The following TRAPPC10 variants were observed in gnomAD, a reference collection of about 807,000 sequenced individuals.
TRAPPC10 encodes TRAPP 130 kDa subunit.
A neutral mutation model predicts 125.5 loss-of-function variants in TRAPPC10; 23 were observed. The ratio of observed to expected loss-of-function variants is 0.18; its 90% CI spans 0.13 to 0.26. TRAPPC10 has a LOEUF of 0.26. Among genes scored for constraint, TRAPPC10 ranks in the 10% least tolerant of loss-of-function variants. The pLI is 1.00. For missense variants in TRAPPC10, 1,123 were observed against 1,308.4 expected, an observed-to-expected ratio of 0.86 and a Z score of 2.19; for synonymous variants, 509 against 518.0, an observed-to-expected ratio of 0.98 and a Z score of 0.24.
chr21:44,044,811 C>T (rs959757536), intron 3 of TRAPPC10, among the ~76,000 whole-genome samples: 3 of 151,578 alleles, frequency 2.0e-5, no homozygotes, highest in African/African-American at 7.3e-5. Flanking sequence ...TTACAGGCGT[C>T]TGCCACCACG....
intron 3 of TRAPPC10, among the ~76,000 whole-genome samples, chr21:44,040,683 G>A (rs112373044): frequency 2.0e-5 from 3 of 151,934 alleles, no homozygotes; most frequent in African/African-American, 7.2e-5. Flanking sequence ...GTGCAGTGGT[G>A]CGATCTTGGT....
At chr21:44,067,340 G>A (rs1002465224) in intron 7 of TRAPPC10, among the ~76,000 whole-genome samples, 1 of 152,206 alleles carries the variant, frequency 6.6e-6, no homozygotes, top group African/African-American at 2.4e-5. Context: ...GAGATGTAGT[G>A]TGGGAATGTA....
chr21:44,079,732 G>T (rs1255022627), intron 12 of TRAPPC10, 28 bp downstream of exon 12: 1 of 1,592,720 alleles, frequency 6.3e-7, no homozygotes, highest in Non-Finnish European at 8.5e-7. Context: ...CATGAAGCAG[G>T]AAAATTATTT....
chr21:44,062,677 C>T (rs2145916542), intron 6 of TRAPPC10: 1 of 985,442 alleles, frequency 1.0e-6, no homozygotes, highest in Non-Finnish European at 1.2e-6. Context: ...CCACTCCACA[C>T]TGCTGGGTGC....
intron 2 of TRAPPC10, among the ~76,000 whole-genome samples, chr21:44,037,420 T>C (rs2034072274): frequency 6.6e-6 from 1 of 152,232 alleles, no homozygotes; most frequent in African/African-American, 2.4e-5. Flanking sequence ...TAATTAAAAC[T>C]GCACTTTGGA....
chr21:44,052,544 G>A, intron 4 of TRAPPC10, 68 bp downstream of exon 4: 2 of 1,428,444 alleles, frequency 1.4e-6, no homozygotes, highest in South Asian at 1.4e-5. Context: ...TGGCTTCCTG[G>A]GTAGTAATAA....
chr21:44,017,169 AG>A (rs2031962406), intron 1 of TRAPPC10, among the ~76,000 whole-genome samples: 1 of 152,236 alleles, frequency 6.6e-6, no homozygotes, highest in African/African-American at 2.4e-5. Flanking sequence ...CATTCTTCTT[AG>A]GAAATCGCAG....
At chr21:44,042,789 G>A (rs2034508835) in intron 3 of TRAPPC10, among the ~76,000 whole-genome samples, 1 of 152,140 alleles carries the variant, frequency 6.6e-6, no homozygotes, top group African/African-American at 2.4e-5. Flanking sequence ...TGTATAGGTG[G>A]TTGATGTATT....
intron 1 of TRAPPC10, among the ~76,000 whole-genome samples, chr21:44,018,701 A>G (rs2032154385): frequency 6.6e-6 from 1 of 152,066 alleles, no homozygotes; most frequent in African/African-American, 2.4e-5. Context: ...CAAAAAAAAA[A>G]AAAAAAAAGT....
intron 6 of TRAPPC10, among the ~76,000 whole-genome samples, chr21:44,060,800 C>A (rs924163981): frequency 1.3e-3 from 199 of 151,632 alleles, no homozygotes; most frequent in African/African-American, 4.6e-3. Flanking sequence ...GGGGTTTCAC[C>A]ATGTTGGCCA....
chr21:44,048,516 CAG>C (rs1206026567), intron 3 of TRAPPC10, among the ~76,000 whole-genome samples: 6 of 152,116 alleles, frequency 3.9e-5, no homozygotes, highest in South Asian at 4.2e-4. Context: ...GTTTTTGAGA[CAG>C]AGTCTTGCTC....
intron 3 of TRAPPC10, among the ~76,000 whole-genome samples, chr21:44,039,959 A>C (rs1223475738): frequency 6.6e-6 from 1 of 152,096 alleles, no homozygotes; most frequent in Non-Finnish European, 1.5e-5. Context: ...TGCTCTCACC[A>C]ACATCAACAC....
chr21:44,015,442 G>A (rs1333800805), intron 1 of TRAPPC10, among the ~76,000 whole-genome samples: 1 of 151,888 alleles, frequency 6.6e-6, no homozygotes, highest in Non-Finnish European at 1.5e-5. Flanking sequence ...TTTAGAGATG[G>A]GGTCTCGCTC....
chr21:44,051,345 A>G (rs2035221503), intron 3 of TRAPPC10, among the ~76,000 whole-genome samples: 1 of 152,322 alleles, frequency 6.6e-6, no homozygotes, highest in South Asian at 2.1e-4. Flanking sequence ...ACTGATTTAG[A>G]TGGTAGCTGT....
intron 7 of TRAPPC10, among the ~76,000 whole-genome samples, chr21:44,066,631 C>T (rs1220276836): frequency 6.6e-6 from 1 of 152,152 alleles, no homozygotes; most frequent in Non-Finnish European, 1.5e-5. Context: ...GTTGCTTTTG[C>T]TAGCAGGAAG....
At chr21:44,089,618 C>T (rs768260719) in intron 17 of TRAPPC10, 11 of 579,454 alleles carry the variant, frequency 1.9e-5, no homozygotes, top group South Asian at 9.2e-5. Flanking sequence ...GCCAGTTCTG[C>T]GTTCGTTTCT....
chr21:44,058,418 C>T (rs2145880078), intron 5 of TRAPPC10, among the ~76,000 whole-genome samples: 1 of 152,056 alleles, frequency 6.6e-6, no homozygotes, highest in African/African-American at 2.4e-5. Context: ...GGGTGGGGGA[C>T]ATAGATTTTG....
chr21:44,021,709 G>A lies in TRAPPC10; in HGVS notation c.67+9149G>A, dbSNP rs140543997. 4.8e-3 allele frequency among the ~76,000 whole-genome samples: 729 copies of A among 152,282 alleles called. 6 individuals carry two copies. Among genetic ancestry groups the A allele is most frequent in the African/African-American group, 0.016 (673 of 41,548 alleles). ...CCCAGTGTGCTAAGAATAGGAGATG[G>A]GCCTTTGAGAAGTACCAGGGCTAGA... On this transcript the variant is annotated intron_variant, in intron 1 of 22. Coordinates refer to ENST00000291574, the MANE Select transcript of TRAPPC10 (RefSeq NM_003274.5).
chr21:44,057,914 G>A (rs183792311), intron 5 of TRAPPC10, among the ~76,000 whole-genome samples: 2 of 152,342 alleles, frequency 1.3e-5, no homozygotes, highest in East Asian at 3.9e-4. Context: ...AGGTTTATGT[G>A]CGTGCACATC....
Sources: allele counts gnomAD v4.1 joint callset (sites outside exome capture counted in the v4.1 genomes callset), GRCh38; gene constraint gnomAD v4.1.1; transcripts MANE v1.5; gene names NCBI Gene and HGNC (gene_info 2026-07-23, HGNC 2026-07-21).